Variants in SAV1 observed in about 807,000 individuals in gnomAD.
The protein encoded by SAV1 is protein salvador homolog 1.
In SAV1, 23 loss-of-function variants were observed where a neutral mutation model predicts 47.3. The observed-to-expected ratio is 0.49, with a 90% CI of 0.35 to 0.69. The LOEUF (loss-of-function observed/expected upper bound fraction) is 0.69. SAV1 is among the 30% of genes least tolerant of loss of function. The probability of loss-of-function intolerance (pLI) is 0.01; values close to 1 mark genes in which losing one functional copy is unlikely to be tolerated. For synonymous variants in SAV1, 155 were observed against 159.2 expected (o/e 0.97, Z 0.20); for missense variants, 448 against 457.4 (o/e 0.98, Z 0.19).
intron 2 of SAV1, among the ~76,000 whole-genome samples, chr14:50,654,464 T>C (rs1042234418): frequency 2.6e-5 from 4 of 152,240 alleles, no homozygotes; most frequent in African/African-American, 9.6e-5. Context: ...TTAGTTTAGT[T>C]TGCACACAAG....
At chr14:50,656,999 A>C (rs925762155) in intron 2 of SAV1, among the ~76,000 whole-genome samples, 18 of 151,644 alleles carry the variant, frequency 1.2e-4, no homozygotes, top group Non-Finnish European at 2.5e-4. Context: ...AGTATGTGGG[A>C]AAAGCACAGA....
At chr14:50,649,927 T>C (rs902791463) in intron 2 of SAV1, among the ~76,000 whole-genome samples, 3 of 152,132 alleles carry the variant, frequency 2.0e-5, no homozygotes, top group African/African-American at 7.2e-5. Context: ...GCAAAACATC[T>C]ACTAGTCAAA....
intron 1 of SAV1, 143 bp downstream of exon 1, chr14:50,667,731 A>G: frequency 1.6e-6 from 1 of 643,846 alleles, no homozygotes. Flanking sequence ...ATACCACTTC[A>G]GACACAAGAA....
chr14:50,634,254 G>A lies in SAV1; in HGVS notation c.*929C>T, dbSNP rs2039612964. ...ACAGGCTAAGTATTCCTGCTTATAT[G>A]TATTCCTGAAAGATTAAAAGGCCCG... On this transcript the variant is annotated 3_prime_UTR_variant, in exon 5 of 5. Coordinates refer to ENST00000324679, the MANE Select transcript of SAV1 (RefSeq NM_021818.4). 2.3e-6 allele frequency: 1 copy of A among 426,860 alleles called. No individual in the cohort carries two copies. The highest frequency in any genetic ancestry group is 4.8e-6 in the Non-Finnish European group (1 of 209,370). The allele number at this position is 426,860 out of a possible 1,614,324, so 26.4% of individuals were successfully genotyped here.
At chr14:50,661,930 A>G (rs1399258054) in intron 2 of SAV1, among the ~76,000 whole-genome samples, 1 of 152,176 alleles carries the variant, frequency 6.6e-6, no homozygotes, top group Non-Finnish European at 1.5e-5. Context: ...CGGTTTGCTC[A>G]GGATTACTTT....
At chr14:50,646,996 C>T (rs905840547) in intron 2 of SAV1, among the ~76,000 whole-genome samples, 2 of 152,010 alleles carry the variant, frequency 1.3e-5, no homozygotes, top group Non-Finnish European at 2.9e-5. Context: ...AGGGCAATAG[C>T]GGGGAAAGGT....
chr14:50,644,162 A>G (rs1006319445), intron 3 of SAV1, among the ~76,000 whole-genome samples: 5 of 152,244 alleles, frequency 3.3e-5, no homozygotes, highest in African/African-American at 1.2e-4. Context: ...ACAACTGGCT[A>G]TCAGGCAGCA....
At chr14:50,638,627 C>T (rs1296062600) in intron 4 of SAV1, among the ~76,000 whole-genome samples, 1 of 152,138 alleles carries the variant, frequency 6.6e-6, no homozygotes, top group Non-Finnish European at 1.5e-5. Context: ...AATGGTGACA[C>T]TGCAGGACTG....
chr14:50,647,995 T>C (rs71420193), intron 2 of SAV1, among the ~76,000 whole-genome samples: 2,222 of 152,362 alleles, frequency 0.015, 25 homozygotes, highest in Non-Finnish European at 0.023. Context: ...CATTTGTGGA[T>C]ATTTACAATG....
chr14:50,657,899 ATAT>A (rs2039826744), intron 2 of SAV1, among the ~76,000 whole-genome samples: 1 of 152,204 alleles, frequency 6.6e-6, no homozygotes, highest in African/African-American at 2.4e-5. Context: ...AACCAGGCAG[ATAT>A]TTATGAGATC....
chr14:50,668,029 G>T lies in SAV1; in HGVS notation c.-62C>A, dbSNP rs2039919539. On this transcript the variant is annotated 5_prime_UTR_variant, in exon 1 of 5. Coordinates refer to ENST00000324679, the MANE Select transcript of SAV1 (RefSeq NM_021818.4). ...TCCCTAGGGCTCCGCGCCGGGCGCC[G>T]GCCGTCTCCGCCGCCACCTCCGCCG... 7.7e-7 allele frequency: 1 copy of T among 1,294,942 alleles called. No individual in the cohort carries two copies. Among genetic ancestry groups the T allele is most frequent in the Admixed American group, 2.8e-5 (1 of 35,448 alleles). The allele number at this position is 1,294,942 out of a possible 1,614,324, so 80.2% of individuals were successfully genotyped here.
intron 2 of SAV1, among the ~76,000 whole-genome samples, chr14:50,646,664 G>A (rs941307956): frequency 7.4e-6 from 1 of 135,802 alleles, no homozygotes; most frequent in East Asian, 2.1e-4. Context: ...CATCCTGGGC[G>A]ACGAGAGTGA....
At chr14:50,635,487 C>CT (rs1350586030) in intron 4 of SAV1, 103 bp from the exon 5 acceptor site, 12 of 881,740 alleles carry the variant, frequency 1.4e-5, no homozygotes, top group Non-Finnish European at 1.9e-5. Flanking sequence ...TTATTTATAA[C>CT]TAAACAAACC....
At chr14:50,646,736 T>C (rs1456730052) in intron 2 of SAV1, among the ~76,000 whole-genome samples, 1 of 150,672 alleles carries the variant, frequency 6.6e-6, no homozygotes, top group East Asian at 1.9e-4. Context: ...ATACAGATAG[T>C]TATTAAACAG....
At chr14:50,647,733 A>T (rs1456691264) in intron 2 of SAV1, among the ~76,000 whole-genome samples, 1 of 152,198 alleles carries the variant, frequency 6.6e-6, no homozygotes, top group Non-Finnish European at 1.5e-5. Context: ...TAAAACCATA[A>T]TGAAATGACA....
rs2039622008 is a variant in SAV1 at position 50,635,008 on chromosome 14, C to T, written c.*175G>A. 1.7e-6 allele frequency: 1 copy of T among 591,210 alleles called. No homozygotes were observed. The highest frequency in any genetic ancestry group is 3.0e-6 in the Non-Finnish European group (1 of 337,896). 36.6% of individuals were successfully genotyped at this position (591,210 alleles called of 1,614,324 possible). Reference sequence around the variant, plus strand: ...CCATATTGGCTCTTAAAATGATAGACTAATTTTTCTCATTCAATAAAAGAA... The same window carrying T: ...CCATATTGGCTCTTAAAATGATAGATTAATTTTTCTCATTCAATAAAAGAA... On this transcript the variant is annotated 3_prime_UTR_variant, in exon 5 of 5. Coordinates refer to ENST00000324679, the MANE Select transcript of SAV1 (RefSeq NM_021818.4).
chr14:50,646,523 T>C (rs564729959), intron 2 of SAV1, among the ~76,000 whole-genome samples: 33 of 152,036 alleles, frequency 2.2e-4, no homozygotes, highest in Admixed American at 6.5e-4. Flanking sequence ...CCGTCTCTAT[T>C]AAAAACACAA....
intron 3 of SAV1, 58 bp from the exon 4 acceptor site, chr14:50,640,951 T>A (rs2039677113): frequency 6.7e-7 from 1 of 1,484,490 alleles, no homozygotes; most frequent in African/African-American, 1.4e-5. Flanking sequence ...AAACAAGAAA[T>A]TATAAAGAAC....
At chr14:50,665,068 C>A in intron 2 of SAV1, 111 bp downstream of exon 2, 1 of 1,413,938 alleles carries the variant, frequency 7.1e-7, no homozygotes, top group East Asian at 2.6e-5. Context: ...AGTGGAAAAA[C>A]ATTTCGCTAG....
Sources: allele counts gnomAD v4.1 joint callset (sites outside exome capture counted in the v4.1 genomes callset), GRCh38; gene constraint gnomAD v4.1.1; transcripts MANE v1.5; gene names NCBI Gene and HGNC (gene_info 2026-07-23, HGNC 2026-07-21).